Variants in ADAMTSL2 observed in about 807,000 individuals in gnomAD.
The protein encoded by ADAMTSL2 is ADAMTS-like protein 2.
Under a neutral mutation model 117.0 loss-of-function variants are expected in ADAMTSL2, and 55 were observed. That is an observed-to-expected ratio of 0.47 (90% CI 0.38 to 0.59). ADAMTSL2 has a LOEUF of 0.59. Among genes scored for constraint, ADAMTSL2 ranks in the 20% least tolerant of loss-of-function variants. The pLI, the probability that ADAMTSL2 is intolerant of heterozygous loss-of-function variation, is 0.00. For synonymous variants in ADAMTSL2, 572 were observed against 566.4 expected, an observed-to-expected ratio of 1.01 and a Z score of -0.14; for missense variants, 1,182 against 1,354.5, an observed-to-expected ratio of 0.87 and a Z score of 2.00.
At chr9:133,536,894 G>T in intron 2 of ADAMTSL2, 92 bp downstream of exon 2, 2 of 1,581,334 alleles carry the variant, frequency 1.3e-6, no homozygotes, top group Non-Finnish European at 1.7e-6. Flanking sequence ...AGGGAGCCGT[G>T]TGGGCACGTG....
chr9:133,563,970 GGA>G lies in ADAMTSL2; in HGVS notation c.1747+2691_1747+2692del, dbSNP rs1337823246. Among the ~76,000 whole-genome samples the G allele has an allele frequency of 4.1e-3, 13 of 3,170 alleles. 2 individuals are homozygous for G. Among genetic ancestry groups the G allele is most frequent in the African/African-American group, 0.026 (12 of 464 alleles). 2.1% of individuals were successfully genotyped at this position (3,170 alleles called of 152,430 possible). A position where few individuals can be genotyped will look rare whatever the true frequency, so the allele number is the denominator to read the frequency against. On this transcript the variant is annotated intron_variant, in intron 12 of 18. Transcript: ENST00000651351. ...GAGAGAGAGAGAGGGAGAGAGAGAG[GGA>G]GAGAGAGAGAGAGAGGGAGAGAGAG...
chr9:133,537,810 T>C (rs1191342804), intron 3 of ADAMTSL2, among the ~76,000 whole-genome samples: 1 of 152,200 alleles, frequency 6.6e-6, no homozygotes, highest in Non-Finnish European at 1.5e-5. Flanking sequence ...TAGAGGTCTG[T>C]CCTGGAGGCG....
intron 11 of ADAMTSL2, 89 bp downstream of exon 11, chr9:133,556,019 G>A (rs1310480884): frequency 1.1e-4 from 165 of 1,524,078 alleles, no homozygotes; most frequent in Non-Finnish European, 1.0e-4. Flanking sequence ...CCACTGGGGG[G>A]GTCTGGCCAG....
intron 16 of ADAMTSL2, 59 bp from the exon 17 acceptor site, chr9:133,570,272 C>A: frequency 6.6e-7 from 1 of 1,525,866 alleles, no homozygotes; most frequent in Non-Finnish European, 8.8e-7. Context: ...GCCGTGGGCC[C>A]TGTGTGTAGG....
At position 133,558,823 on chromosome 9, in the gene ADAMTSL2, C is replaced by A. The variant is rs1830664485; in HGVS notation, c.1650-2375C>A. Among the ~76,000 whole-genome samples, 2 of 152,204 alleles carry A rather than the reference C, an allele frequency of 1.3e-5. No homozygotes were observed. Among genetic ancestry groups the A allele is most frequent in the African/African-American group, 2.4e-5 (1 of 41,452 alleles). On this transcript the variant is annotated intron_variant, in intron 11 of 18. Transcript: ENST00000651351. The surrounding 1 kb of genome is among the most constrained non-coding windows in gnomAD (Gnocchi z 4.3). ...GTGTTCCGCTTCCCTGTGCTACTTC[C>A]AAGAACGGAACCTGCTAGGCGTTGC...
chr9:133,560,333 C>T (rs922463751), intron 11 of ADAMTSL2, among the ~76,000 whole-genome samples: 10 of 152,324 alleles, frequency 6.6e-5, no homozygotes, highest in Non-Finnish European at 1.0e-4. Flanking sequence ...TCCACCGCGC[C>T]GGCTTGCCAT....
chr9:133,537,448 C>T lies in ADAMTSL2; in HGVS notation c.134C>T (p.Ala45Val). 7.4e-7 allele frequency: 1 copy of T among 1,351,764 alleles called. No individual in the cohort carries two copies. 83.7% of individuals were successfully genotyped at this position (1,351,764 alleles called of 1,614,324 possible). Reference sequence around the variant, plus strand: ...AATAGCCTGGAGGGGGGCACCGACGCCACGGCCTTCTGGTGGGGGGAGTGG... The same window carrying T: ...AATAGCCTGGAGGGGGGCACCGACGTCACGGCCTTCTGGTGGGGGGAGTGG... ...TSNSLEGGTD[A>V]TAFWWGEWTK... is the part of the protein sequence containing the mutation. Residue 45 changes from alanine (A) to valine (V), a missense_variant, in exon 3 of 19, where the codon GCC becomes GTC. By Grantham distance (64) the Ala-to-Val change is moderately conservative (BLOSUM62 0). Around this residue, in one of 3 missense-constraint regions of ADAMTSL2, gnomAD observed 372 missense variants for 463.4 expected, o/e 0.80. Coordinates refer to ENST00000651351, the MANE Select transcript of ADAMTSL2 (RefSeq NM_014694.4).
chr9:133,546,462 A>G (rs971777636), intron 8 of ADAMTSL2, among the ~76,000 whole-genome samples: 4 of 152,120 alleles, frequency 2.6e-5, no homozygotes, highest in Non-Finnish European at 4.4e-5. Context: ...GCCTGGGTGC[A>G]CGGGTTGACT....
At chr9:133,574,105 T>C in intron 18 of ADAMTSL2, 118 bp downstream of exon 18, 1 of 1,363,222 alleles carries the variant, frequency 7.3e-7, no homozygotes, top group Non-Finnish European at 1.0e-6. Flanking sequence ...GGGAACCAGC[T>C]TGAGAGACCA....
rs537195093 is a variant in ADAMTSL2, at chr9:133,545,769, A to G, written c.763+1219A>G. Among the ~76,000 whole-genome samples, 7 of 152,266 alleles carry G rather than the reference A, an allele frequency of 4.6e-5. No homozygotes were observed. The South Asian group carries it at 1.2e-3, about 27-fold the overall frequency. On this transcript the variant is annotated intron_variant, in intron 8 of 18. Transcript: ENST00000651351. ...GAGCACTGGGAAAGCCGCAGGAAGG[A>G]AGGTCATTACTGTCAGGAAACAGGT...
At chr9:133,553,132 G>T (rs1830525078) in intron 9 of ADAMTSL2, among the ~76,000 whole-genome samples, 1 of 152,208 alleles carries the variant, frequency 6.6e-6, no homozygotes, top group South Asian at 2.1e-4. Flanking sequence ...TTCAGGCAGG[G>T]GTGGCGCTGG....
intron 12 of ADAMTSL2, among the ~76,000 whole-genome samples, chr9:133,566,116 G>A (rs1375241200): frequency 6.6e-6 from 1 of 152,180 alleles, no homozygotes; most frequent in African/African-American, 2.4e-5. Flanking sequence ...AGAGTACGGG[G>A]CACCAACAAA....
intron 11 of ADAMTSL2, among the ~76,000 whole-genome samples, chr9:133,560,916 ACCCCT>A (rs1830712331): frequency 6.6e-6 from 1 of 152,044 alleles, no homozygotes; most frequent in Non-Finnish European, 1.5e-5. Flanking sequence ...TTCTCAGGCC[ACCCCT>A]CCCCTCCGGA....
At chr9:133,536,435 A>G (rs930403470) in intron 1 of ADAMTSL2, 128 bp from the exon 2 acceptor site, 1 of 1,339,304 alleles carries the variant, frequency 7.5e-7, no homozygotes, top group Middle Eastern at 1.9e-4. Context: ...CCCTTGGATC[A>G]AGGGTGGCAC....
chr9:133,554,682 A>AGGG lies in ADAMTSL2; in HGVS notation c.1266_1268dup (p.Gly423dup). ...GCCTGCGAGGGGCCCCCCAGGGGCA[A>AGGG]GGGCTTCCGAGGTAACCAGGAGGAG... is the stretch of plus-strand genomic sequence containing the variant. On this transcript the variant is annotated inframe_insertion, in exon 10 of 19. Coordinates refer to ENST00000651351, the MANE Select transcript of ADAMTSL2 (RefSeq NM_014694.4). The surrounding 1 kb of genome is among the most constrained non-coding windows in gnomAD (Gnocchi z 5.2). 6.7e-7 allele frequency: 1 copy of AGGG among 1,493,460 alleles called. No homozygotes were observed. Among genetic ancestry groups the AGGG allele is most frequent in the Non-Finnish European group, 8.9e-7 (1 of 1,119,282 alleles). 92.5% of individuals were successfully genotyped at this position (1,493,460 alleles called of 1,614,324 possible). A position where few individuals can be genotyped will look rare whatever the true frequency, so the allele number is the denominator to read the frequency against.
chr9:133,539,682 G>GGCTGTCCCGGCTGTCCCA (rs1830158364), intron 4 of ADAMTSL2, 89 bp from the exon 5 acceptor site: 2 of 1,349,084 alleles, frequency 1.5e-6, no homozygotes. Flanking sequence ...CGGCTGTCCC[G>GGCTGTCCCGGCTGTCCCA]GCTGCAGCCA....
rs747376927 is a variant in ADAMTSL2, at chr9:133,538,317, G to A, written c.234-32G>A. On this transcript the variant is annotated intron_variant, in intron 3 of 18. Coordinates refer to ENST00000651351, the MANE Select transcript of ADAMTSL2 (RefSeq NM_014694.4). The stretch of plus-strand genomic sequence containing the variant: ...GCGACATTCCTGAAACTCCTCTGCA[G>A]CCCTCACTCCGAGCCTGCATCTTTC... The A allele has an allele frequency of 1.6e-5, 26 of 1,612,818 alleles. 1 individual carries two copies. Among genetic ancestry groups the A allele is most frequent in the Non-Finnish European group, 2.2e-5 (26 of 1,179,670 alleles).
At chr9:133,561,103 T>C (rs1433638682) in intron 11 of ADAMTSL2, 95 bp from the exon 12 acceptor site, 6 of 1,046,222 alleles carry the variant, frequency 5.7e-6, no homozygotes, top group Non-Finnish European at 8.7e-6. Context: ...CAGGCGAACA[T>C]ACCCTCCGAA....
chr9:133,533,163 C>G (rs986181720), upstream of ADAMTSL2, among the ~76,000 whole-genome samples: 12 of 148,164 alleles, frequency 8.1e-5, no homozygotes, highest in South Asian at 2.2e-4. Context: ...GTGTGTGTGC[C>G]TGTGTGTGTG....
Sources: gnomAD v4.1 joint callset for allele counts (sites outside exome capture counted in the v4.1 genomes callset) on GRCh38, gnomAD v4.1.1 for gene constraint, gnomAD v4.1.1 regional missense constraint, Gnocchi (gnomAD v3.1) non-coding constraint, MANE v1.5 for transcripts, NCBI Gene and HGNC (gene_info 2026-07-23, HGNC 2026-07-21) for gene names.